DMD: variants seen among roughly 807,000 people sequenced by gnomAD.
DMD encodes mutant dystrophin.
Under a neutral mutation model 330.1 loss-of-function variants are expected in DMD, and 63 were observed. The ratio of observed to expected loss-of-function variants is 0.19; its 90% confidence interval spans 0.16 to 0.24. The LOEUF is 0.24. Ranked by LOEUF, DMD falls within the 10% of genes least tolerant of loss-of-function variation. DMD has a pLI of 1.00. For synonymous variants in DMD, 1,223 were observed against 959.8 expected (o/e 1.27, Z -5.07); for missense variants, 3,344 against 2,684.1 (o/e 1.25, Z -5.43).
chrX:31,520,971 C>T (rs1011177470), intron 55 of DMD, among the ~76,000 whole-genome samples: 16 of 110,931 alleles, frequency 1.4e-4, no homozygotes, highest in Admixed American at 1.4e-3. Context: ...TGAGCCACCG[C>T]GCCCGGCCGC....
At chrX:31,324,635 TTATTAA>T (rs1308894436) in intron 61 of DMD, among the ~76,000 whole-genome samples, 1 of 111,819 alleles carries the variant, frequency 8.9e-6, no homozygotes, top group African/African-American at 3.3e-5. Context: ...AGACGCATTC[TTATTAA>T]TATCTAGCAA....
chrX:32,720,750 CACT>C (rs2066211883), intron 7 of DMD, among the ~76,000 whole-genome samples: 1 of 111,387 alleles, frequency 9.0e-6, no homozygotes, highest in Non-Finnish European at 1.9e-5. Flanking sequence ...TAGATCAAAA[CACT>C]ACATTTTACC....
chrX:31,970,415 T>C (rs775498726), intron 44 of DMD, among the ~76,000 whole-genome samples: 3 of 110,233 alleles, frequency 2.7e-5, no homozygotes, highest in Non-Finnish European at 5.7e-5. Flanking sequence ...CATAATCTAG[T>C]TGAAAAAATA....
intron 17 of DMD, among the ~76,000 whole-genome samples, chrX:32,543,722 T>A (rs1378795637): frequency 1.8e-5 from 2 of 111,982 alleles, no homozygotes; most frequent in Non-Finnish European, 3.8e-5. Context: ...GTAGAGTGCT[T>A]GGAAGTTCCT....
chrX:31,802,295 G>T (rs756821356), intron 50 of DMD, among the ~76,000 whole-genome samples: 8 of 111,021 alleles, frequency 7.2e-5, no homozygotes, highest in Non-Finnish European at 1.5e-4. Flanking sequence ...GAGAAGAAAT[G>T]AATGAGGAGA....
chrX:31,236,044 T>A (rs1423147023), intron 63 of DMD, among the ~76,000 whole-genome samples: 1 of 112,156 alleles, frequency 8.9e-6, no homozygotes, highest in African/African-American at 3.2e-5. Context: ...TGAGAAGATA[T>A]CTGCAAGAAA....
chrX:32,387,224 G>A (rs981857032), intron 32 of DMD, among the ~76,000 whole-genome samples: 8 of 110,868 alleles, frequency 7.2e-5, no homozygotes, highest in Admixed American at 3.9e-4. Context: ...AACTTTGGAA[G>A]ACAGCTATGT....
intron 52 of DMD, 115 bp downstream of exon 52, chrX:31,729,516 T>C: frequency 1.6e-6 from 1 of 610,215 alleles, no homozygotes; most frequent in South Asian, 2.3e-5. Context: ...TTGTTATCAT[T>C]TACAATTATT....
chrX:31,834,551 T>A (rs2093150364), intron 49 of DMD, among the ~76,000 whole-genome samples: 1 of 111,832 alleles, frequency 8.9e-6, no homozygotes, highest in Admixed American at 9.5e-5. Flanking sequence ...GTGATTCTCC[T>A]GCCTCAGCCT....
chrX:32,319,659 G>A (rs5972525), intron 41 of DMD, among the ~76,000 whole-genome samples: 5,803 of 110,708 alleles, frequency 0.052, 378 homozygotes, highest in African/African-American at 0.18. Context: ...TTGTACATGC[G>A]TGCTTAGGTC....
intron 12 of DMD, among the ~76,000 whole-genome samples, chrX:32,604,188 T>G (rs1256971279): frequency 1.8e-5 from 2 of 110,748 alleles, no homozygotes; most frequent in African/African-American, 6.6e-5. Flanking sequence ...CAGGGATATA[T>G]GCAGAGCAAT....
Position 31,746,066 on chromosome X carries a change from T to C in DMD, c.7543-16318A>G, listed in dbSNP as rs189754977. ...GGTATTGTGCTCATCTGTTCAAAAATAAAAGTCAAAGCTAACAAAACATTT... is the reference window on the plus strand; with the variant it reads ...GGTATTGTGCTCATCTGTTCAAAAACAAAAGTCAAAGCTAACAAAACATTT... On this transcript the variant is annotated intron_variant, in intron 51 of 78. Transcript: ENST00000357033. Among the ~76,000 whole-genome samples, 14 of 112,509 alleles carry C rather than the reference T, an allele frequency of 1.2e-4. No homozygotes were observed. The East Asian group carries it at 3.9e-3, about 31-fold the overall frequency.
intron 11 of DMD, among the ~76,000 whole-genome samples, chrX:32,620,025 T>A (rs2057875991): frequency 8.9e-6 from 1 of 111,777 alleles, no homozygotes; most frequent in Admixed American, 9.5e-5. Flanking sequence ...TCCCATTGGC[T>A]GAAGTACTTT....
At chrX:31,974,898 T>TTA (rs57982168) in intron 44 of DMD, among the ~76,000 whole-genome samples, 282 of 105,562 alleles carry the variant, frequency 2.7e-3, no homozygotes, top group African/African-American at 3.7e-3. Flanking sequence ...TTCATATCAA[T>TTA]TATATATATA....
At chrX:31,478,048 A>C (rs2067934110) in intron 59 of DMD, 58 bp downstream of exon 59, 1 of 1,170,838 alleles carries the variant, frequency 8.5e-7, no homozygotes, top group African/African-American at 1.8e-5. Context: ...ACTCAAGTTC[A>C]GATTAGAAGC....
chrX:31,649,626 TGTAGTGCA>T (rs2148562930), intron 54 of DMD, among the ~76,000 whole-genome samples: 1 of 109,445 alleles, frequency 9.1e-6, no homozygotes, highest in African/African-American at 3.3e-5. Context: ...TCGCCCAGGC[TGTAGTGCA>T]GTGGCACAAT....
chrX:32,504,348 G>A (rs765375811), intron 18 of DMD, among the ~76,000 whole-genome samples: 6 of 111,597 alleles, frequency 5.4e-5, no homozygotes, highest in Non-Finnish European at 1.9e-5. Context: ...CATGGGCTGG[G>A]TGCAGTGGCT....
chrX:33,045,536 T>C (rs904629704), intron 1 of DMD, among the ~76,000 whole-genome samples: 3 of 110,998 alleles, frequency 2.7e-5, no homozygotes, highest in African/African-American at 9.9e-5. Context: ...TAAACAGATA[T>C]AGAAGAATCC....
intron 12 of DMD, among the ~76,000 whole-genome samples, chrX:32,603,063 A>C (rs2056362455): frequency 9.0e-6 from 1 of 111,439 alleles, no homozygotes; most frequent in Non-Finnish European, 1.9e-5. Flanking sequence ...CAGAATGTAC[A>C]TTATTCTCAT....
Sources: allele counts gnomAD v4.1 joint callset (sites outside exome capture counted in the v4.1 genomes callset), GRCh38; gene constraint gnomAD v4.1.1; transcripts MANE v1.5; gene names NCBI Gene and HGNC (gene_info 2026-07-23, HGNC 2026-07-21).